TBXAS1: variants seen among roughly 807,000 people sequenced by gnomAD.
TBXAS1 encodes thromboxane A synthase 1, also known as thromboxane-A synthase.
Under a neutral mutation model 60.7 loss-of-function variants are expected in TBXAS1, and 48 were observed. The ratio of observed to expected loss-of-function variants is 0.79; its 90% confidence interval spans 0.63 to 1.01. The LOEUF (loss-of-function observed/expected upper bound fraction) is 1.01. Among genes scored for constraint, TBXAS1 ranks in the 50% least tolerant of loss-of-function variants. TBXAS1 has a pLI of 0.00. For missense variants in TBXAS1, 685 were observed against 686.3 expected (o/e 1.00, Z 0.02); for synonymous variants, 287 against 269.7 (o/e 1.06, Z -0.63).
In TBXAS1 at chr7:139,955,459, G is replaced by A. The variant is rs766601203; in HGVS notation, c.540G>A (p.Arg180=). Residue 180 remains arginine, a splice_region_variant and synonymous_variant, in exon 7 of 13, where the codon AGG becomes AGA. Transcript: ENST00000448866. ...ATCTCTGTGCTCCCATCTCCCGTAG[G>A]TGCTACTGCAATTACACCACAGATG... ...AESGDAFDIQ[R]CYCNYTTDVV... The A allele has an allele frequency of 1.2e-6, 2 of 1,614,130 alleles. No homozygotes were observed. Among genetic ancestry groups the A allele is most frequent in the South Asian group, 2.2e-5 (2 of 91,082 alleles).
chr7:139,784,563 A>G (rs1352909963), intron 3 of TBXAS1, among the ~76,000 whole-genome samples: 1 of 152,244 alleles, frequency 6.6e-6, no homozygotes, highest in African/African-American at 2.4e-5. Context: ...GAGTTCTGGC[A>G]GGTGACAGCA....
rs548642873 is a variant in TBXAS1 at position 139,816,117 on chromosome 7, A to G, written c.-79-13195A>G. Among the ~76,000 whole-genome samples the G allele has an allele frequency of 7.9e-5, 12 of 152,216 alleles. No homozygotes were observed. In the South Asian group the frequency reaches 1.5e-3, roughly 18 times the overall value. ...TTATAAGGGGCTCTTCCCACTTTACATGCTCTTTTTCTCTCTCCTGCCGCC... is the reference window on the plus strand; with the variant it reads ...TTATAAGGGGCTCTTCCCACTTTACGTGCTCTTTTTCTCTCTCCTGCCGCC... On this transcript the variant is annotated intron_variant, in intron 4 of 16. Coordinates refer to the TBXAS1 transcript ENST00000336425.
intron 3 of TBXAS1, among the ~76,000 whole-genome samples, chr7:139,905,127 T>C (rs1804973973): frequency 6.6e-6 from 1 of 151,058 alleles, no homozygotes; most frequent in Non-Finnish European, 1.5e-5. Context: ...TGTCTGATTG[T>C]TCTGGCTAGG....
intron 4 of TBXAS1, among the ~76,000 whole-genome samples, chr7:139,929,474 G>A (rs1470411877): frequency 6.6e-6 from 1 of 152,094 alleles, no homozygotes; most frequent in African/African-American, 2.4e-5. Context: ...AATGAGTCAG[G>A]GTGGAGCAGG....
At chr7:139,847,926 A>T (rs1360105880) in intron 1 of TBXAS1, among the ~76,000 whole-genome samples, 1 of 152,154 alleles carries the variant, frequency 6.6e-6, no homozygotes, top group Non-Finnish European at 1.5e-5. Flanking sequence ...ACCTCAAGTG[A>T]TCCTTTCACC....
intron 1 of TBXAS1, among the ~76,000 whole-genome samples, chr7:139,846,407 A>T (rs995089421): frequency 6.6e-6 from 1 of 152,166 alleles, no homozygotes; most frequent in African/African-American, 2.4e-5. Flanking sequence ...CCATGTGTAA[A>T]ATAGGGATAC....
intron 12 of TBXAS1, among the ~76,000 whole-genome samples, chr7:140,019,714 TA>T (rs2116488542): frequency 6.6e-6 from 1 of 152,280 alleles, no homozygotes; most frequent in East Asian, 1.9e-4. Flanking sequence ...AAGCTGGACA[TA>T]GGAAAGCTTT....
intron 9 of TBXAS1, among the ~76,000 whole-genome samples, chr7:139,965,800 T>G (rs770320413): frequency 5.9e-5 from 9 of 152,212 alleles, no homozygotes; most frequent in Non-Finnish European, 1.3e-4. Flanking sequence ...TAATGTTGCT[T>G]TGCATAGCCT....
chr7:139,895,592 AC>A (rs1251515290), intron 3 of TBXAS1, among the ~76,000 whole-genome samples: 1 of 152,232 alleles, frequency 6.6e-6, no homozygotes, highest in African/African-American at 2.4e-5. Context: ...GAAGGAGCTA[AC>A]AGCTGGAGGC....
intron 3 of TBXAS1, among the ~76,000 whole-genome samples, chr7:139,905,281 G>T (rs1043821999): frequency 6.6e-6 from 1 of 151,888 alleles, no homozygotes; most frequent in Non-Finnish European, 1.5e-5. Flanking sequence ...TTACATTAAG[G>T]TATGTCCCTT....
intron 9 of TBXAS1, among the ~76,000 whole-genome samples, chr7:139,986,530 C>T (rs942844855): frequency 6.6e-6 from 1 of 151,302 alleles, no homozygotes; most frequent in Non-Finnish European, 1.5e-5. Context: ...CACCTCTCCC[C>T]CCAAGTTTCC....
intron 4 of TBXAS1, among the ~76,000 whole-genome samples, chr7:139,788,767 A>G (rs1797281471): frequency 6.6e-6 from 1 of 152,250 alleles, no homozygotes; most frequent in Admixed American, 6.5e-5. Context: ...GCCGTGCCCT[A>G]GGGTTGGCCT....
intron 3 of TBXAS1, among the ~76,000 whole-genome samples, chr7:139,880,513 G>A (rs968809760): frequency 7.9e-5 from 12 of 152,026 alleles, no homozygotes; most frequent in African/African-American, 2.9e-4. Context: ...CCCACCCTGG[G>A]GCCCATCTGC....
At chr7:139,786,223 G>T (rs907502150) in intron 3 of TBXAS1, among the ~76,000 whole-genome samples, 6 of 151,790 alleles carry the variant, frequency 4.0e-5, no homozygotes, top group African/African-American at 1.4e-4. Flanking sequence ...TCTATAGAGT[G>T]AGATAATAAT....
In TBXAS1 at chr7:139,934,479, T is replaced by C. The variant is rs1043414603; in HGVS notation, c.334-1712T>C. On this transcript the variant is annotated intron_variant, in intron 4 of 12. Coordinates refer to ENST00000448866, the MANE Select transcript of TBXAS1 (RefSeq NM_001061.7). ...CTGAGATTACAGGCGTGAGCCACCATGCCTGGCCGCAAAGTCTTTTTCATT... is the reference window on the plus strand; with the variant it reads ...CTGAGATTACAGGCGTGAGCCACCACGCCTGGCCGCAAAGTCTTTTTCATT... Among the ~76,000 whole-genome samples the C allele has an allele frequency of 2.0e-5, 3 of 152,086 alleles. No homozygotes were observed. In the South Asian group the frequency reaches 6.2e-4, roughly 32 times the overall value.
chr7:139,936,220 CGACAGCGTTCTG>C lies in TBXAS1; in HGVS notation c.364_375del (p.Asp122_Leu125del), dbSNP rs1382104057. 6.2e-7 allele frequency: 1 copy of C among 1,614,074 alleles called. No homozygotes were observed. The highest frequency in any genetic ancestry group is 1.3e-5 in the African/African-American group (1 of 74,912). On this transcript the variant is annotated inframe_deletion, in exon 5 of 13. Transcript: ENST00000448866. Reference sequence around the variant, plus strand: ...CGGGTTTGGAGTTCAAGTCGGTAGCCGACAGCGTTCTGTTTTTACGTGACAAAAGATGGGAAG... The same window carrying C: ...CGGGTTTGGAGTTCAAGTCGGTAGCCTTTTTACGTGACAAAAGATGGGAAG...
intron 4 of TBXAS1, among the ~76,000 whole-genome samples, chr7:139,920,287 G>A (rs1806354965): frequency 6.6e-6 from 1 of 152,216 alleles, no homozygotes; most frequent in African/African-American, 2.4e-5. Flanking sequence ...AGCCTTTGAA[G>A]AGGGGCAGAA....
chr7:139,880,581 G>C (rs1385432312), intron 3 of TBXAS1, among the ~76,000 whole-genome samples: 2 of 152,198 alleles, frequency 1.3e-5, no homozygotes, highest in African/African-American at 4.8e-5. Context: ...GATCATATAT[G>C]ATACATGCTG....
At chr7:139,969,137 T>C (rs1429563206) in intron 9 of TBXAS1, among the ~76,000 whole-genome samples, 1 of 152,218 alleles carries the variant, frequency 6.6e-6, no homozygotes, top group Non-Finnish European at 1.5e-5. Flanking sequence ...GTTATAAATC[T>C]GCTGTGCAGA....
Sources: gnomAD v4.1 joint callset for allele counts (sites outside exome capture counted in the v4.1 genomes callset) on GRCh38, gnomAD v4.1.1 for gene constraint, MANE v1.5 for transcripts, NCBI Gene and HGNC (gene_info 2026-07-23, HGNC 2026-07-21) for gene names.